Variants in UNC13C observed in about 807,000 individuals in gnomAD.
UNC13C encodes the protein protein unc-13 homolog C.
Under a neutral mutation model 245.4 loss-of-function variants are expected in UNC13C, and 174 were observed. The ratio of observed to expected loss-of-function variants is 0.71; its 90% CI spans 0.63 to 0.80. The LOEUF is 0.80. UNC13C is among the 30% of genes least tolerant of loss of function. The pLI is 0.00. For synonymous variants in UNC13C, 992 were observed against 895.1 expected (o/e 1.11, Z -1.93); for missense variants, 2,829 against 2,602.9 (o/e 1.09, Z -1.89).
chr15:53,907,722 A>AGCACGGGCTGTACCCAGGGGC, the UNC13C span, among the ~76,000 whole-genome samples: 3 of 114,680 alleles, frequency 2.6e-5, no homozygotes, highest in Admixed American at 9.5e-5. Flanking sequence ...TTATTATCTA[A>AGCACGGGCTGTACCCAGGGGC]AGAATTATTC....
At chr15:54,458,680 CTTTTTT>C (rs79291504) in intron 19 of UNC13C, among the ~76,000 whole-genome samples, 791 of 65,988 alleles carry the variant, frequency 0.012, 22 homozygotes, top group Middle Eastern at 0.048. Context: ...CCTTTAAGGT[CTTTTTT>C]TTTTTTTTTT....
At chr15:54,537,337 CACAA>C (rs1896028361) in intron 26 of UNC13C, among the ~76,000 whole-genome samples, 2 of 151,146 alleles carry the variant, frequency 1.3e-5, no homozygotes, top group African/African-American at 4.8e-5. Context: ...TCAGAGATGA[CACAA>C]ACAAATGGAA....
chr15:54,541,176 C>G (rs1457781665), intron 26 of UNC13C, among the ~76,000 whole-genome samples: 3 of 152,028 alleles, frequency 2.0e-5, no homozygotes, highest in Admixed American at 6.6e-5. Flanking sequence ...TTTACATACA[C>G]AGTGTTAGGA....
the UNC13C span, among the ~76,000 whole-genome samples, chr15:53,929,698 A>G: frequency 6.6e-6 from 1 of 152,170 alleles, no homozygotes; most frequent in East Asian, 1.9e-4. Context: ...GAATTTGATT[A>G]TAAACACTTT....
intron 4 of UNC13C, among the ~76,000 whole-genome samples, chr15:54,212,872 A>G (rs1415463486): frequency 6.6e-6 from 1 of 152,196 alleles, no homozygotes; most frequent in South Asian, 2.1e-4. Context: ...TGAAAATGCA[A>G]GGCATACCCA....
intron 2 of UNC13C, among the ~76,000 whole-genome samples, chr15:54,101,958 A>C (rs1237863853): frequency 2.0e-5 from 3 of 151,560 alleles, no homozygotes; most frequent in Non-Finnish European, 2.9e-5. Context: ...CATGTGAATC[A>C]GTTCAGATTA....
intron 30 of UNC13C, among the ~76,000 whole-genome samples, chr15:54,611,140 G>T (rs1447861889): frequency 6.6e-6 from 1 of 152,168 alleles, no homozygotes; most frequent in East Asian, 1.9e-4. Context: ...AGTGATTGGG[G>T]AAGCTATGTG....
At chr15:53,844,424 T>G in the UNC13C span, among the ~76,000 whole-genome samples, 148,177 of 152,214 alleles carry the variant, frequency 0.97, 72,264 homozygotes, top group Non-Finnish European at 1. Flanking sequence ...AAATGTGGGA[T>G]TGTTTGTTTG....
At chr15:54,281,820 A>G (rs529677482) in intron 10 of UNC13C, among the ~76,000 whole-genome samples, 5 of 152,332 alleles carry the variant, frequency 3.3e-5, no homozygotes, top group Non-Finnish European at 7.4e-5. Flanking sequence ...AAGTAGTACA[A>G]TAGTCAACAA....
chr15:54,449,107 C>A (rs1237143888), intron 19 of UNC13C, among the ~76,000 whole-genome samples: 1 of 152,198 alleles, frequency 6.6e-6, no homozygotes, highest in Non-Finnish European at 1.5e-5. Context: ...TTGGCCCCCA[C>A]TCTCTTCTGG....
chr15:54,488,292 CATT>C (rs376018720), intron 19 of UNC13C, among the ~76,000 whole-genome samples: 207 of 152,256 alleles, frequency 1.4e-3, no homozygotes, highest in Non-Finnish European at 2.2e-3. Flanking sequence ...GCTAGTAAAA[CATT>C]ATACATACTG....
intron 19 of UNC13C, among the ~76,000 whole-genome samples, chr15:54,487,787 AAAGACAGAGAG>A (rs1176577202): frequency 0.013 from 1,005 of 78,660 alleles, 12 homozygotes; most frequent in African/African-American, 0.037. Flanking sequence ...AAAAAAAAAA[AAAGACAGAGAG>A]AGAGAAAAGA....
chr15:54,113,039 A>C (rs1159300940), intron 2 of UNC13C, among the ~76,000 whole-genome samples: 1 of 152,202 alleles, frequency 6.6e-6, no homozygotes, highest in Non-Finnish European at 1.5e-5. Context: ...ATGCAGATGT[A>C]TCTTGATAAA....
chr15:53,943,178 G>C, the UNC13C span, among the ~76,000 whole-genome samples: 3 of 150,952 alleles, frequency 2.0e-5, no homozygotes, highest in African/African-American at 7.4e-5. Context: ...TTAATGAACT[G>C]TTTTACCTTT....
chr15:54,511,676 C>A, intron 23 of UNC13C, 77 bp from the exon 24 acceptor site: 1 of 998,114 alleles, frequency 1.0e-6, no homozygotes, highest in Non-Finnish European at 1.5e-6. Flanking sequence ...CTATTTTCCA[C>A]CACTTATAAG....
At chr15:54,441,324 C>T (rs1051980101) in intron 19 of UNC13C, among the ~76,000 whole-genome samples, 3 of 151,974 alleles carry the variant, frequency 2.0e-5, no homozygotes, top group Admixed American at 6.6e-5. Context: ...GGTGTTTAAT[C>T]TATGTTTGGT....
intron 2 of UNC13C, among the ~76,000 whole-genome samples, chr15:54,060,435 T>C (rs1259031519): frequency 6.6e-6 from 1 of 152,158 alleles, no homozygotes; most frequent in Non-Finnish European, 1.5e-5. Flanking sequence ...CTCACACCAG[T>C]TAGAATGGTG....
chr15:53,890,377 G>A, the UNC13C span, among the ~76,000 whole-genome samples: 2 of 152,068 alleles, frequency 1.3e-5, no homozygotes, highest in African/African-American at 4.8e-5. Context: ...TCCTGACCTC[G>A]TGATCCACCC....
intron 26 of UNC13C, among the ~76,000 whole-genome samples, chr15:54,542,309 TTGAG>T (rs1399158965): frequency 6.6e-6 from 1 of 152,170 alleles, no homozygotes; most frequent in Admixed American, 6.5e-5. Flanking sequence ...TCATGCGGTT[TTGAG>T]TGAGTTTCTT....
Sources: allele counts gnomAD v4.1 joint callset (sites outside exome capture counted in the v4.1 genomes callset), GRCh38; gene constraint gnomAD v4.1.1; transcripts MANE v1.5; gene names NCBI Gene and HGNC (gene_info 2026-07-23, HGNC 2026-07-21).